The following RFX4 variants were observed in gnomAD, a reference collection of about 807,000 sequenced individuals.
The protein encoded by RFX4 is regulatory factor X4.
RFX4 carries 10 observed loss-of-function variants against 95.0 expected under a neutral mutation model. The observed-to-expected ratio is 0.11, with a 90% CI of 0.06 to 0.18. RFX4 has a LOEUF of 0.18. Ranked by LOEUF, RFX4 falls within the 10% of genes least tolerant of loss-of-function variation. RFX4 has a pLI of 1.00. For missense variants in RFX4, 640 were observed against 922.0 expected (o/e 0.69, Z 3.96); for synonymous variants, 321 against 340.7 (o/e 0.94, Z 0.64).
Position 106,586,807 on chromosome 12 carries a change from A to G in RFX4, c.43+3444A>G, listed in dbSNP as rs1333774101. ...CCAGTGGCCTTGGCGCCGTGCCCAC[A>G]AGGCAAAGTGCGTCCTGGAGGGAAC... On this transcript the variant is annotated intron_variant, in intron 1 of 17. Transcript: ENST00000392842. This position sits in a 1 kb window ranked among gnomAD's most constrained non-coding sequence, Gnocchi z 5.6. 6.6e-6 allele frequency among the ~76,000 whole-genome samples: 1 copy of G among 152,212 alleles called. No homozygotes were observed. The highest frequency in any genetic ancestry group is 2.4e-5 in the African/African-American group (1 of 41,456).
intron 15 of RFX4, among the ~76,000 whole-genome samples, chr12:106,742,050 T>G (rs2042816206): frequency 6.6e-6 from 1 of 152,138 alleles, no homozygotes; most frequent in Admixed American, 6.5e-5. Flanking sequence ...GCCCTGGGGT[T>G]GGGGACCCCT....
rs2042375269 is a variant in RFX4 at position 106,720,473 on chromosome 12, C to T, written c.1234-286C>T. Reference sequence around the variant, plus strand: ...CACAGCTCACTGCAGCCTTGACCTCCCCAGGCTCATGTGATCCTCCCACCT... The same window carrying T: ...CACAGCTCACTGCAGCCTTGACCTCTCCAGGCTCATGTGATCCTCCCACCT... On this transcript the variant is annotated intron_variant, in intron 12 of 17. Transcript: ENST00000392842. The surrounding 1 kb of genome is among the most constrained non-coding windows in gnomAD (Gnocchi z 4.2). Among the ~76,000 whole-genome samples the T allele has an allele frequency of 6.6e-6, 1 of 152,136 alleles. No individual in the cohort carries two copies. The highest frequency in any genetic ancestry group is 2.1e-4 in the South Asian group (1 of 4,820).
At chr12:106,623,314 T>C (rs532077140) in intron 2 of RFX4, among the ~76,000 whole-genome samples, 14 of 152,244 alleles carry the variant, frequency 9.2e-5, no homozygotes, top group Admixed American at 8.5e-4. Context: ...TGAGCCACTG[T>C]GCCTGACCCA....
intron 10 of RFX4, among the ~76,000 whole-genome samples, chr12:106,712,594 A>G (rs556835752): frequency 9.2e-5 from 14 of 151,764 alleles, no homozygotes; most frequent in Non-Finnish European, 1.8e-4. Context: ...ATAACACAAC[A>G]CCCACATATA....
intron 15 of RFX4, among the ~76,000 whole-genome samples, 199 bp from the exon 16 acceptor site, chr12:106,747,238 T>A (rs1256521757): frequency 2.6e-5 from 4 of 152,034 alleles, no homozygotes; most frequent in Non-Finnish European, 5.9e-5. Flanking sequence ...CTGGAGACAA[T>A]GAAAGATACT....
chr12:106,743,929 C>T (rs1200078388), intron 15 of RFX4, among the ~76,000 whole-genome samples: 2 of 152,190 alleles, frequency 1.3e-5, no homozygotes, highest in East Asian at 1.9e-4. Context: ...CCATTTCCAA[C>T]TCTAAACTTT....
chr12:106,725,969 G>A (rs551924106), intron 13 of RFX4, among the ~76,000 whole-genome samples: 131 of 152,196 alleles, frequency 8.6e-4, no homozygotes, highest in African/African-American at 1.5e-3. Flanking sequence ...AGAAGAGGCC[G>A]GGCGAAGTGG....
chr12:106,602,520 C>T (rs988761024), intron 1 of RFX4, among the ~76,000 whole-genome samples: 1 of 152,168 alleles, frequency 6.6e-6, no homozygotes. Context: ...CTCCAAACCC[C>T]ACATTCTCCC....
intron 15 of RFX4, among the ~76,000 whole-genome samples, chr12:106,738,187 G>C (rs1400643316): frequency 6.6e-6 from 1 of 152,172 alleles, no homozygotes; most frequent in African/African-American, 2.4e-5. Context: ...TCACCAGGGA[G>C]ACACACACGA....
Position 106,611,522 on chromosome 12 carries a change from T to TC in RFX4, c.130+2639_130+2640insC, listed in dbSNP as rs577586867. Among the ~76,000 whole-genome samples the TC allele has an allele frequency of 4.7e-4, 71 of 152,080 alleles. 2 individuals are homozygous for TC. The South Asian group carries it at 0.015, about 31-fold the overall frequency. On this transcript the variant is annotated intron_variant, in intron 2 of 17. Transcript: ENST00000392842. ...TAAGAGTCCAGCTTTATTCTTTTTTTTTTTTTCAGACAGAGTCTCACTCTG... is the reference window on the plus strand; with the variant it reads ...TAAGAGTCCAGCTTTATTCTTTTTTTCTTTTTTCAGACAGAGTCTCACTCTG...
At chr12:106,665,632 T>C (rs1381631934) in intron 4 of RFX4, among the ~76,000 whole-genome samples, 1 of 152,036 alleles carries the variant, frequency 6.6e-6, no homozygotes, top group Non-Finnish European at 1.5e-5. Flanking sequence ...TTCCATTTTT[T>C]CTCCTTTATT....
intron 5 of RFX4, chr12:106,683,852 T>G (rs1303275239): frequency 6.6e-6 from 1 of 152,140 alleles, no homozygotes; most frequent in Non-Finnish European, 1.5e-5. Context: ...GAGAGTCTGT[T>G]TTTGTTTTGT....
At chr12:106,681,436 C>T (rs1039868845) in intron 4 of RFX4, among the ~76,000 whole-genome samples, 9 of 152,326 alleles carry the variant, frequency 5.9e-5, no homozygotes, top group African/African-American at 1.4e-4. Context: ...ATTGTCCAGA[C>T]GCCTGAATGG....
chr12:106,700,364 A>C (rs1455584425), intron 8 of RFX4, among the ~76,000 whole-genome samples: 1 of 151,522 alleles, frequency 6.6e-6, no homozygotes, highest in Non-Finnish European at 1.5e-5. Context: ...CTCTTAAAAA[A>C]AATTTACTAG....
chr12:106,583,963 C>T (rs988952264), intron 1 of RFX4, among the ~76,000 whole-genome samples: 1 of 152,136 alleles, frequency 6.6e-6, no homozygotes, highest in South Asian at 2.1e-4. Flanking sequence ...GCTGTGGGGT[C>T]GGGCTTTTAG....
intron 4 of RFX4, among the ~76,000 whole-genome samples, chr12:106,660,521 A>T (rs796478979): frequency 2.2e-4 from 33 of 152,250 alleles, no homozygotes; most frequent in African/African-American, 7.9e-4. Context: ...AAGATGGAGC[A>T]TCACTGCATT....
chr12:106,633,679 T>C (rs550007129), intron 2 of RFX4, among the ~76,000 whole-genome samples: 46 of 152,330 alleles, frequency 3.0e-4, no homozygotes, highest in African/African-American at 1.0e-3. Flanking sequence ...AACCCATGCC[T>C]GCCTGTCCTC....
intron 2 of RFX4, among the ~76,000 whole-genome samples, chr12:106,630,226 T>G (rs554810366): frequency 3.9e-5 from 6 of 152,234 alleles, no homozygotes; most frequent in Non-Finnish European, 7.4e-5. Context: ...ATCTTTGTAC[T>G]CATGTTGTGG....
At chr12:106,740,892 G>C (rs1054443257) in intron 15 of RFX4, among the ~76,000 whole-genome samples, 4 of 152,164 alleles carry the variant, frequency 2.6e-5, no homozygotes, top group Non-Finnish European at 5.9e-5. Context: ...GTTGCGGAGG[G>C]AAAAAGAACT....
Sources: gnomAD v4.1 joint callset for allele counts (sites outside exome capture counted in the v4.1 genomes callset) on GRCh38, gnomAD v4.1.1 for gene constraint, Gnocchi (gnomAD v3.1) non-coding constraint, MANE v1.5 for transcripts, NCBI Gene and HGNC (gene_info 2026-07-23, HGNC 2026-07-21) for gene names.